Variants in PIAS1 observed in about 807,000 individuals in gnomAD.
PIAS1 encodes E3 SUMO-protein ligase PIAS1.
PIAS1 carries 6 observed loss-of-function variants against 71.3 expected under a neutral mutation model. The ratio of observed to expected loss-of-function variants is 0.08; its 90% confidence interval spans 0.05 to 0.17. The LOEUF is 0.17. Among genes scored for constraint, PIAS1 ranks in the 10% least tolerant of loss-of-function variants. PIAS1 has a pLI of 1.00. For missense variants in PIAS1, 555 were observed against 793.6 expected, an observed-to-expected ratio of 0.70 and a Z score of 3.61; for synonymous variants, 303 against 292.9, an observed-to-expected ratio of 1.03 and a Z score of -0.35.
At chr15:68,124,620 C>T (rs919871852) in intron 2 of PIAS1, among the ~76,000 whole-genome samples, 8 of 152,050 alleles carry the variant, frequency 5.3e-5, no homozygotes, top group Non-Finnish European at 1.0e-4. Context: ...ACTTGGGAGG[C>T]TGAGGCATGA....
intron 2 of PIAS1, among the ~76,000 whole-genome samples, chr15:68,088,180 A>ATATATATATATATATG (rs2092301902): frequency 1.6e-5 from 2 of 128,224 alleles, no homozygotes; most frequent in East Asian, 4.5e-4. Flanking sequence ...GTGTGTGTAT[A>ATATATATATATATATG]TATATATATA....
intron 2 of PIAS1, among the ~76,000 whole-genome samples, chr15:68,129,329 A>G (rs927162754): frequency 1.3e-5 from 2 of 152,058 alleles, no homozygotes; most frequent in Admixed American, 6.6e-5. Flanking sequence ...CAGCCACCCA[A>G]AGCACTGGGT....
At chr15:68,066,994 C>T (rs539902050) in intron 1 of PIAS1, among the ~76,000 whole-genome samples, 106 of 152,262 alleles carry the variant, frequency 7.0e-4, no homozygotes, top group African/African-American at 2.4e-3. Context: ...AGGCTACTTA[C>T]CTGGCTGATA....
intron 2 of PIAS1, among the ~76,000 whole-genome samples, chr15:68,125,169 CCT>C: frequency 6.6e-6 from 1 of 151,416 alleles, no homozygotes; most frequent in East Asian, 1.9e-4. Context: ...TTTTTTTCCC[CCT>C]GTGTACTTAT....
At chr15:68,089,266 A>G (rs549607172) in intron 2 of PIAS1, among the ~76,000 whole-genome samples, 1 of 152,320 alleles carries the variant, frequency 6.6e-6, no homozygotes, top group South Asian at 2.1e-4. Flanking sequence ...AAATAATTTT[A>G]AGGCCTTTAT....
intron 6 of PIAS1, among the ~76,000 whole-genome samples, chr15:68,147,224 A>C (rs539372159): frequency 6.6e-6 from 1 of 152,204 alleles, no homozygotes; most frequent in Non-Finnish European, 1.5e-5. Context: ...GTACAAATTT[A>C]TTCTCTGACT....
At chr15:68,141,742 T>C (rs1226491508) in intron 2 of PIAS1, among the ~76,000 whole-genome samples, 1 of 152,078 alleles carries the variant, frequency 6.6e-6, no homozygotes, top group East Asian at 1.9e-4. Flanking sequence ...GATGTGTTAT[T>C]CTGGAATTAG....
intron 2 of PIAS1, among the ~76,000 whole-genome samples, chr15:68,127,654 T>C (rs2092660361): frequency 6.6e-6 from 1 of 152,250 alleles, no homozygotes; most frequent in Non-Finnish European, 1.5e-5. Context: ...GAAAAATCTT[T>C]ACTGACCTTT....
intron 1 of PIAS1, among the ~76,000 whole-genome samples, chr15:68,058,198 A>C (rs569566106): frequency 3.3e-5 from 5 of 152,398 alleles, no homozygotes; most frequent in African/African-American, 1.2e-4. Context: ...CTTTCAAAAC[A>C]ACAACCAAAA....
intron 2 of PIAS1, among the ~76,000 whole-genome samples, chr15:68,092,462 C>A (rs138094381): frequency 6.6e-6 from 1 of 152,104 alleles, no homozygotes; most frequent in Non-Finnish European, 1.5e-5. Context: ...TGTGAGCCAC[C>A]GCACCCAGCT....
chr15:68,054,638 T>A lies in PIAS1; in HGVS notation c.24+288T>A, dbSNP rs943052311. Reference sequence around the variant, plus strand: ...AGATAGGGAGTCCGGAGGTAGGGGCTGCAGCTGTCTCATGGGCTCGGCTTT... The same window carrying A: ...AGATAGGGAGTCCGGAGGTAGGGGCAGCAGCTGTCTCATGGGCTCGGCTTT... On this transcript the variant is annotated intron_variant, in intron 1 of 13. Coordinates refer to ENST00000249636, the MANE Select transcript of PIAS1 (RefSeq NM_016166.3). The surrounding 1 kb of genome is among the most constrained non-coding windows in gnomAD (Gnocchi z 4.6). 2 of 336,798 alleles carry A rather than the reference T, an allele frequency of 5.9e-6. No individual in the cohort carries two copies. The highest frequency in any genetic ancestry group is 4.3e-5 in the African/African-American group (2 of 46,362). The allele number at this position is 336,798 out of a possible 1,614,324, so 20.9% of individuals were successfully genotyped here.
intron 2 of PIAS1, among the ~76,000 whole-genome samples, chr15:68,135,267 G>A (rs1275546883): frequency 3.3e-5 from 1 of 30,364 alleles, no homozygotes. Flanking sequence ...CCTCCCGGAC[G>A]GGGCGGCTGG....
At chr15:68,079,229 C>A (rs148382953) in intron 1 of PIAS1, among the ~76,000 whole-genome samples, 1 of 152,082 alleles carries the variant, frequency 6.6e-6, no homozygotes. Context: ...ACGATGATTA[C>A]GCATGTTTCT....
chr15:68,059,204 T>A (rs2140951439), intron 1 of PIAS1, among the ~76,000 whole-genome samples: 1 of 151,988 alleles, frequency 6.6e-6, no homozygotes, highest in East Asian at 2.0e-4. Flanking sequence ...AGACGGCGTT[T>A]CACCGTGTTG....
intron 7 of PIAS1, among the ~76,000 whole-genome samples, chr15:68,163,332 A>G (rs1441763533): frequency 6.6e-6 from 1 of 152,230 alleles, no homozygotes; most frequent in Non-Finnish European, 1.5e-5. Context: ...CCAAACTAAA[A>G]ACCAGAAGTT....
chr15:68,107,574 T>G (rs1452745057), intron 2 of PIAS1, among the ~76,000 whole-genome samples: 3 of 152,206 alleles, frequency 2.0e-5, no homozygotes. Flanking sequence ...GATCATGAAT[T>G]TAGGCTGCTA....
At chr15:68,090,927 G>GGAGTGTGTGT (rs71455575) in intron 2 of PIAS1, among the ~76,000 whole-genome samples, 9 of 142,762 alleles carry the variant, frequency 6.3e-5, no homozygotes, top group African/African-American at 2.4e-4. Context: ...GTCATTTACG[G>GGAGTGTGTGT]GTGTGTGTGT....
chr15:68,137,667 C>A (rs2092742995), intron 2 of PIAS1, among the ~76,000 whole-genome samples: 1 of 152,094 alleles, frequency 6.6e-6, no homozygotes, highest in Non-Finnish European at 1.5e-5. Context: ...GAAGGCTTGA[C>A]AAGTTAGTAA....
At chr15:68,147,925 T>TG (rs1170723686) in intron 6 of PIAS1, among the ~76,000 whole-genome samples, 2 of 152,176 alleles carry the variant, frequency 1.3e-5, no homozygotes, top group African/African-American at 2.4e-5. Flanking sequence ...ACAATTTTCA[T>TG]GATATGAACT....
Sources: gnomAD v4.1 joint callset for allele counts (sites outside exome capture counted in the v4.1 genomes callset) on GRCh38, gnomAD v4.1.1 for gene constraint, Gnocchi (gnomAD v3.1) non-coding constraint, MANE v1.5 for transcripts, NCBI Gene and HGNC (gene_info 2026-07-23, HGNC 2026-07-21) for gene names.